The following WDR41 variants were observed in gnomAD, a reference collection of about 807,000 sequenced individuals.
The protein encoded by WDR41 is WD repeat domain 41, also known as WD repeat-containing protein 41.
In WDR41, 63 loss-of-function variants were observed where a neutral mutation model predicts 69.3. The observed-to-expected ratio is 0.91, with a 90% CI of 0.74 to 1.12. The LOEUF (loss-of-function observed/expected upper bound fraction) is 1.12, where lower values mean the gene tolerates loss of function less well. WDR41 is among the 50% of genes most tolerant of loss of function. WDR41 has a pLI of 0.00. For synonymous variants in WDR41, 185 were observed against 192.1 expected (o/e 0.96, Z 0.31); for missense variants, 543 against 534.5 (o/e 1.02, Z -0.16).
intron 1 of WDR41, chr5:77,582,542 A>G: frequency 6.3e-7 from 1 of 1,599,392 alleles, no homozygotes. Context: ...AAAGCAAAGC[A>G]CTATCACAAG....
intron 1 of WDR41, among the ~76,000 whole-genome samples, chr5:77,577,039 G>C (rs541212269): frequency 1.3e-5 from 2 of 152,208 alleles, no homozygotes; most frequent in South Asian, 4.1e-4. Flanking sequence ...GACATCACTG[G>C]GGACTTCACA....
At chr5:77,580,059 A>G (rs1047499468) in intron 1 of WDR41, among the ~76,000 whole-genome samples, 15 of 150,680 alleles carry the variant, frequency 1.0e-4, no homozygotes, top group African/African-American at 3.2e-4. Flanking sequence ...ATAGAGCTAT[A>G]TAAGAGTAAC....
At chr5:77,581,305 A>T (rs1184012591) in intron 1 of WDR41, among the ~76,000 whole-genome samples, 1 of 152,222 alleles carries the variant, frequency 6.6e-6, no homozygotes, top group African/African-American at 2.4e-5. Context: ...TACCATGAAG[A>T]TATAATTATA....
In WDR41 at chr5:77,489,481, A is replaced by T; in HGVS notation, c.143T>A (p.Phe48Tyr). Residue 48 changes from phenylalanine to tyrosine, a missense_variant, in exon 2 of 13, where the codon TTT (phenylalanine) becomes TAT (tyrosine). By Grantham distance (22) the Phe-to-Tyr change is conservative (BLOSUM62 3). Coordinates refer to ENST00000296679, the MANE Select transcript of WDR41 (RefSeq NM_018268.4). ...CCTGTAGTCATCTAACTGTACCAGAAATCGTACAATATCATGATGAGCCTT... is the reference window on the plus strand; with the variant it reads ...CCTGTAGTCATCTAACTGTACCAGATATCGTACAATATCATGATGAGCCTT... Reference protein sequence around the residue: ...VLKAHHDIVRFLVQLDDYRFA... With the variant: ...VLKAHHDIVRYLVQLDDYRFA... 1.9e-6 allele frequency: 3 copies of T among 1,604,904 alleles called. No homozygotes were observed. Among genetic ancestry groups the T allele is most frequent in the Non-Finnish European group, 2.6e-6 (3 of 1,175,962 alleles).
At chr5:77,549,600 T>C (rs998027423) in intron 1 of WDR41, among the ~76,000 whole-genome samples, 1 of 152,054 alleles carries the variant, frequency 6.6e-6, no homozygotes, top group South Asian at 2.1e-4. Context: ...AACTACAAAA[T>C]GCTGCTGAAA....
At chr5:77,442,136 T>A (rs948047167) in intron 8 of WDR41, among the ~76,000 whole-genome samples, 5 of 152,186 alleles carry the variant, frequency 3.3e-5, no homozygotes, top group Admixed American at 2.0e-4. Context: ...TTTGCTAATA[T>A]GTATCAAAAC....
intron 1 of WDR41, among the ~76,000 whole-genome samples, chr5:77,532,438 C>T (rs1802540823): frequency 6.6e-6 from 1 of 152,200 alleles, no homozygotes; most frequent in South Asian, 2.1e-4. Flanking sequence ...TCCAGCAATC[C>T]TTCTTGTAGG....
intron 12 of WDR41, among the ~76,000 whole-genome samples, chr5:77,433,574 G>T (rs1798812635): frequency 6.6e-6 from 1 of 152,022 alleles, no homozygotes; most frequent in Admixed American, 6.6e-5. Flanking sequence ...TCAAGTATTG[G>T]TTTTACTTAA....
At chr5:77,504,843 C>T (rs1802080814) in intron 1 of WDR41, among the ~76,000 whole-genome samples, 1 of 152,162 alleles carries the variant, frequency 6.6e-6, no homozygotes, top group African/African-American at 2.4e-5. Context: ...GCTAAAAACT[C>T]TCAATAAACT....
Position 77,492,214 on chromosome 5 carries a change from G to A in WDR41, c.7C>T (p.Arg3Ter), listed in dbSNP as rs199684656. Residue 3 changes from arginine to a stop codon, truncating the protein, a stop_gained, in exon 1 of 13, where the codon CGA becomes TGA. Transcript: ENST00000296679. LOFTEE classifies it high-confidence loss of function. ...TCTCGGCCTCCCCCGATCAGCCATC[G>A]CAACATCCGGGCAGCGGCGGCGTCT... The part of the protein sequence containing the change: ML[R>*]WLIGGGREPQ... 101 of 1,612,458 alleles carry A rather than the reference G, an allele frequency of 6.3e-5. No homozygotes were observed. Among genetic ancestry groups the A allele is most frequent in the Admixed American group, 1.2e-4 (7 of 59,846 alleles).
At chr5:77,476,505 T>C (rs1022955857) in intron 2 of WDR41, among the ~76,000 whole-genome samples, 40 of 152,012 alleles carry the variant, frequency 2.6e-4, no homozygotes, top group Non-Finnish European at 2.6e-4. Flanking sequence ...CAGAAGACAG[T>C]GGGGGCCAAT....
Position 77,482,361 on chromosome 5 carries a change from C to T in WDR41, c.167+7096G>A, listed in dbSNP as rs576923044. ...ATTTAGCTGATCGTAATTTTTTAAACAGTTAGAAGGATCCAAATAAGGCTT... is the reference window on the plus strand; with the variant it reads ...ATTTAGCTGATCGTAATTTTTTAAATAGTTAGAAGGATCCAAATAAGGCTT... On this transcript the variant is annotated intron_variant, in intron 2 of 12. Coordinates refer to ENST00000296679, the MANE Select transcript of WDR41 (RefSeq NM_018268.4). Among the ~76,000 whole-genome samples the T allele has an allele frequency of 5.5e-3, 840 of 152,294 alleles. 1 individual carries two copies. The highest frequency in any genetic ancestry group is 9.0e-3 in the Non-Finnish European group (615 of 68,014).
chr5:77,589,047 T>C (rs1249875502), intron 1 of WDR41, among the ~76,000 whole-genome samples: 1 of 152,168 alleles, frequency 6.6e-6, no homozygotes, highest in Admixed American at 6.6e-5. Context: ...ATTATTTAGA[T>C]ATAAGAGAAA....
At chr5:77,436,843 T>C (rs1338455695) in intron 11 of WDR41, among the ~76,000 whole-genome samples, 2 of 152,148 alleles carry the variant, frequency 1.3e-5, no homozygotes, top group African/African-American at 2.4e-5. Flanking sequence ...TGTGCAAAGG[T>C]TGGTAACTAA....
In WDR41 at chr5:77,437,327, G is replaced by A. The variant is rs1445234965; in HGVS notation, c.1093+9C>T. 3 of 1,612,276 alleles carry A rather than the reference G, an allele frequency of 1.9e-6. No individual in the cohort carries two copies. Among genetic ancestry groups the A allele is most frequent in the Non-Finnish European group, 2.5e-6 (3 of 1,178,788 alleles). On this transcript the variant is annotated intron_variant, in intron 11 of 12. Transcript: ENST00000296679. ...GAAAAAGACTACCTTTTTGAGAGAA[G>A]ACACACACCTGTTGGTACAGGCTCA...
intron 8 of WDR41, among the ~76,000 whole-genome samples, chr5:77,444,118 G>A (rs1799283163): frequency 6.6e-6 from 1 of 152,006 alleles, no homozygotes; most frequent in South Asian, 2.1e-4. Context: ...GACCTCAGGT[G>A]ATCCACCCAC....
upstream of WDR41, among the ~76,000 whole-genome samples, chr5:77,495,213 T>C (rs1255988103): frequency 6.6e-6 from 1 of 151,984 alleles, no homozygotes; most frequent in African/African-American, 2.4e-5. Context: ...CTTTATACCA[T>C]AGGAACTTGA....
intron 1 of WDR41, among the ~76,000 whole-genome samples, chr5:77,561,407 T>C (rs2112258255): frequency 6.6e-6 from 1 of 152,324 alleles, no homozygotes; most frequent in Middle Eastern, 3.4e-3. Context: ...TCTCACAAAA[T>C]TCATGAAGTA....
intron 1 of WDR41, among the ~76,000 whole-genome samples, chr5:77,537,062 A>G (rs1743001498): frequency 6.6e-6 from 1 of 152,236 alleles, no homozygotes; most frequent in African/African-American, 2.4e-5. Flanking sequence ...GTATTATGGT[A>G]TAAGCACTGA....
Sources: allele counts gnomAD v4.1 joint callset (sites outside exome capture counted in the v4.1 genomes callset), GRCh38; gene constraint gnomAD v4.1.1; transcripts MANE v1.5; gene names NCBI Gene and HGNC (gene_info 2026-07-23, HGNC 2026-07-21).